Variants in POTEM observed in about 807,000 individuals in gnomAD.
The protein encoded by POTEM is POTE ankyrin domain family member M.
For synonymous variants in POTEM, 8 were observed against 113.2 expected (o/e 0.07, Z 5.90); for missense variants, 24 against 343.0 (o/e 0.07, Z 7.35).
At chr14:18,969,372 TATATATACACA>T (rs1191264953) in intron 1 of POTEM, among the ~76,000 whole-genome samples, 1 of 132,742 alleles carries the variant, frequency 7.5e-6, no homozygotes, top group Non-Finnish European at 1.6e-5. Context: ...TATATATATA[TATATATACACA>T]AAATTTCTTT....
At chr14:18,969,327 A>G (rs1438506238) in intron 1 of POTEM, among the ~76,000 whole-genome samples, 5 of 126,506 alleles carry the variant, frequency 4.0e-5, no homozygotes, top group African/African-American at 1.7e-4. Context: ...GTATATATAT[A>G]TATATACGTA....
At chr14:18,969,378 T>TATAC (rs1491197283) in intron 1 of POTEM, among the ~76,000 whole-genome samples, 82 of 107,504 alleles carry the variant, frequency 7.6e-4, no homozygotes, top group African/African-American at 1.4e-3. Flanking sequence ...TATATATATA[T>TATAC]ACACAAAATT....
At chr14:18,968,835 A>G (rs1594270889) in intron 1 of POTEM, among the ~76,000 whole-genome samples, 1 of 152,316 alleles carries the variant, frequency 6.6e-6, no homozygotes, top group Admixed American at 6.5e-5. Flanking sequence ...AAAAAAAAAA[A>G]AAAGTGAGCT....
chr14:18,969,245 G>T, intron 1 of POTEM, among the ~76,000 whole-genome samples: 1 of 125,280 alleles, frequency 8.0e-6, no homozygotes, highest in East Asian at 2.1e-4. Context: ...CATACCAGAA[G>T]AAAACACAAG....
chr14:18,969,329 A>G (rs1391975108), intron 1 of POTEM, among the ~76,000 whole-genome samples: 3 of 126,916 alleles, frequency 2.4e-5, no homozygotes, highest in African/African-American at 3.3e-5. Flanking sequence ...ATATATATAT[A>G]TATACGTATA....
chr14:18,967,664 A>G lies in POTEM; in HGVS notation c.179A>G (p.Lys60Arg). Residue 60 changes from lysine to arginine, a missense_variant, in exon 1 of 11, where the codon AAG (lysine) becomes AGG (arginine). Lys to Arg is a conservative substitution (Grantham distance 26, BLOSUM62 2). Transcript: ENST00000547889. ...TCTGCTATGAAGACACTCAGGAGCA[A>G]GATGGGCAAGTGGTGCCGCCACTGC... is the stretch of plus-strand genomic sequence containing the variant. Reference protein sequence around the residue: ...DDSAMKTLRSKMGKWCRHCFP... With the variant: ...DDSAMKTLRSRMGKWCRHCFP... The G allele has an allele frequency of 6.3e-7, 1 of 1,597,572 alleles. No homozygotes were observed.
chr14:18,969,147 T>C (rs1890837140), intron 1 of POTEM, among the ~76,000 whole-genome samples: 2 of 137,202 alleles, frequency 1.5e-5, no homozygotes, highest in African/African-American at 5.8e-5. Flanking sequence ...GGATTGTTCA[T>C]AATTCATTTT....
chr14:18,985,635 G>T (rs1420156031), intron 7 of POTEM, among the ~76,000 whole-genome samples, 154 bp downstream of exon 7: 1 of 139,868 alleles, frequency 7.1e-6, no homozygotes, highest in African/African-American at 2.9e-5. Flanking sequence ...GGCTGGGGGG[G>T]TGGCTCATGC....
chr14:18,996,833 GTTCCT>G (rs2138969898), intron 9 of POTEM, among the ~76,000 whole-genome samples: 1 of 151,840 alleles, frequency 6.6e-6, no homozygotes, highest in African/African-American at 2.4e-5. Context: ...CAAACCTCAG[GTTCCT>G]GGAAAAATTA....
chr14:18,986,095 T>C (rs1242895606), intron 7 of POTEM, among the ~76,000 whole-genome samples: 33 of 138,332 alleles, frequency 2.4e-4, no homozygotes, highest in Admixed American at 1.3e-3. Flanking sequence ...GATTAGCTTA[T>C]AGCTAATCTT....
intron 1 of POTEM, among the ~76,000 whole-genome samples, chr14:18,969,369 A>C (rs1442329269): frequency 2.4e-4 from 33 of 135,078 alleles, no homozygotes; most frequent in Non-Finnish European, 4.7e-4. Flanking sequence ...ATATATATAT[A>C]TATATATATA....
intron 1 of POTEM, among the ~76,000 whole-genome samples, chr14:18,969,381 A>G (rs1327719368): frequency 1.4e-5 from 1 of 72,996 alleles, no homozygotes. Context: ...ATATATATAC[A>G]CAAAATTTCT....
chr14:18,975,544 T>A (rs1176472367), intron 3 of POTEM, among the ~76,000 whole-genome samples: 38 of 139,864 alleles, frequency 2.7e-4, no homozygotes, highest in African/African-American at 8.0e-4. Context: ...AAATAAATGT[T>A]GGAAAATTTT....
chr14:18,985,914 A>C (rs1891171470), intron 7 of POTEM, among the ~76,000 whole-genome samples: 1 of 129,944 alleles, frequency 7.7e-6, no homozygotes, highest in Non-Finnish European at 1.6e-5. Context: ...AAAAAAAAAA[A>C]AAAAAAAAAA....
intron 1 of POTEM, among the ~76,000 whole-genome samples, chr14:18,969,306 C>T (rs79386178): frequency 1.5e-4 from 7 of 45,584 alleles, no homozygotes; most frequent in African/African-American, 4.1e-4. Context: ...TATGTATATA[C>T]GTATATATAT....
At chr14:18,986,439 T>C (rs1891184853) in intron 7 of POTEM, among the ~76,000 whole-genome samples, 1 of 133,418 alleles carries the variant, frequency 7.5e-6, no homozygotes, top group Non-Finnish European at 1.6e-5. Context: ...AGGAATCATA[T>C]CTTGCAGAAT....
At chr14:18,968,547 G>A (rs1343872577) in intron 1 of POTEM, among the ~76,000 whole-genome samples, 14 of 150,594 alleles carry the variant, frequency 9.3e-5, no homozygotes, top group South Asian at 2.1e-4. Context: ...TTGGCTGGGC[G>A]TGGTGGCTCA....
intron 6 of POTEM, among the ~76,000 whole-genome samples, chr14:18,980,962 G>A (rs1330721663): frequency 2.0e-5 from 3 of 150,620 alleles, no homozygotes; most frequent in African/African-American, 2.5e-5. Context: ...TGCCAAAAGA[G>A]TGTCATAATA....
intron 6 of POTEM, among the ~76,000 whole-genome samples, chr14:18,982,745 G>C (rs1178174155): frequency 1.2e-4 from 7 of 56,528 alleles, no homozygotes; most frequent in Admixed American, 1.0e-3. Context: ...GTTGGCCTTT[G>C]TTTTTGTTTT....
Sources: gnomAD v4.1 joint callset for allele counts (sites outside exome capture counted in the v4.1 genomes callset) on GRCh38, gnomAD v4.1.1 for gene constraint, MANE v1.5 for transcripts, NCBI Gene and HGNC (gene_info 2026-07-23, HGNC 2026-07-21) for gene names.